ZBBX: variants seen among roughly 807,000 people sequenced by gnomAD.
ZBBX encodes zinc finger B-box domain-containing protein 1.
ZBBX carries 101 observed loss-of-function variants against 108.5 expected under a neutral mutation model. That is an observed-to-expected ratio of 0.93 (90% CI 0.79 to 1.10). The LOEUF (loss-of-function observed/expected upper bound fraction) is 1.10, where lower values mean the gene tolerates loss of function less well. ZBBX is among the 50% of genes least tolerant of loss of function. The probability of loss-of-function intolerance (pLI) is 0.00; values close to 1 mark genes in which losing one functional copy is unlikely to be tolerated. For synonymous variants in ZBBX, 356 were observed against 323.4 expected, an observed-to-expected ratio of 1.10 and a Z score of -1.08; for missense variants, 1,009 against 941.4, an observed-to-expected ratio of 1.07 and a Z score of -0.94.
intron 14 of ZBBX, among the ~76,000 whole-genome samples, chr3:167,316,592 C>T (rs773387001): frequency 5.9e-5 from 9 of 152,040 alleles, no homozygotes; most frequent in Non-Finnish European, 8.8e-5. Flanking sequence ...TACATTTAAA[C>T]GGAAAATAAT....
chr3:167,231,452 T>C, the ZBBX span, among the ~76,000 whole-genome samples: 1 of 151,750 alleles, frequency 6.6e-6, no homozygotes, highest in Admixed American at 6.6e-5. Flanking sequence ...CTGACTAAGA[T>C]GACCTCTGAG....
At chr3:167,402,282 T>C (rs987496596) in intron 1 of ZBBX, among the ~76,000 whole-genome samples, 4 of 152,138 alleles carry the variant, frequency 2.6e-5, no homozygotes, top group Admixed American at 1.3e-4. Context: ...TTCAAAGATA[T>C]TGCAAGGAAT....
At chr3:167,226,112 A>G in the ZBBX span, among the ~76,000 whole-genome samples, 1 of 151,704 alleles carries the variant, frequency 6.6e-6, no homozygotes, top group Admixed American at 6.6e-5. Context: ...AAAACCTCAG[A>G]GAAATCAAGC....
chr3:167,199,459 T>G, the ZBBX span, among the ~76,000 whole-genome samples: 1 of 152,158 alleles, frequency 6.6e-6, no homozygotes, highest in Non-Finnish European at 1.5e-5. Flanking sequence ...TCCATAGAAA[T>G]TAACATACAT....
chr3:167,386,787 G>T (rs1747935661), intron 1 of ZBBX, among the ~76,000 whole-genome samples: 1 of 151,982 alleles, frequency 6.6e-6, no homozygotes, highest in African/African-American at 2.4e-5. Context: ...GTCTTCTTGA[G>T]ATTTATGCAC....
chr3:167,394,357 G>T (rs992439379), intron 1 of ZBBX, among the ~76,000 whole-genome samples: 5 of 151,910 alleles, frequency 3.3e-5, no homozygotes, highest in African/African-American at 1.2e-4. Context: ...GTTGGAGATT[G>T]TTGGCTTAGG....
intron 12 of ZBBX, among the ~76,000 whole-genome samples, chr3:167,318,261 A>C (rs1448743931): frequency 6.6e-6 from 1 of 152,016 alleles, no homozygotes; most frequent in Non-Finnish European, 1.5e-5. Flanking sequence ...TTTCCATACC[A>C]TGCAAGTTCA....
chr3:167,365,242 A>G (rs1052272399), intron 6 of ZBBX, among the ~76,000 whole-genome samples: 6 of 151,952 alleles, frequency 3.9e-5, no homozygotes, highest in African/African-American at 1.4e-4. Context: ...ATAGGTACGT[A>G]AAAAATAAAA....
At chr3:167,337,819 G>T (rs1414822748) in intron 9 of ZBBX, among the ~76,000 whole-genome samples, 1 of 151,912 alleles carries the variant, frequency 6.6e-6, no homozygotes, top group East Asian at 1.9e-4. Flanking sequence ...GTTATTTTTA[G>T]AAAATATTTA....
the ZBBX span, among the ~76,000 whole-genome samples, chr3:167,185,704 C>T: frequency 6.6e-6 from 1 of 152,040 alleles, no homozygotes; most frequent in African/African-American, 2.4e-5. Flanking sequence ...CAGAATGTTA[C>T]ATTTTTTCAT....
chr3:167,224,683 T>C, the ZBBX span, among the ~76,000 whole-genome samples: 6 of 151,970 alleles, frequency 3.9e-5, no homozygotes, highest in Admixed American at 2.0e-4. Context: ...GTTTTAACTC[T>C]GGCAAAAGTA....
intron 6 of ZBBX, among the ~76,000 whole-genome samples, chr3:167,363,462 A>C (rs1395888771): frequency 6.6e-6 from 1 of 152,002 alleles, no homozygotes; most frequent in African/African-American, 2.4e-5. Context: ...AATCTCTAAA[A>C]TTTATTTTCA....
the ZBBX span, among the ~76,000 whole-genome samples, chr3:167,187,292 CA>C: frequency 6.6e-6 from 1 of 152,146 alleles, no homozygotes; most frequent in Non-Finnish European, 1.5e-5. Context: ...CAAGGAGTAG[CA>C]AAATCACAGA....
chr3:167,397,610 A>G (rs190251849), intron 1 of ZBBX, among the ~76,000 whole-genome samples: 79 of 152,006 alleles, frequency 5.2e-4, no homozygotes, highest in African/African-American at 1.9e-3. Flanking sequence ...GCTTCCAGGA[A>G]AACTATTGTT....
intron 11 of ZBBX, among the ~76,000 whole-genome samples, chr3:167,323,248 G>GGT (rs1553815596): frequency 6.9e-6 from 1 of 145,178 alleles, no homozygotes; most frequent in Non-Finnish European, 1.5e-5. Context: ...AGGGGGGGGG[G>GGT]GGAAAGAACT....
At chr3:167,395,383 A>G (rs942406563) in intron 1 of ZBBX, among the ~76,000 whole-genome samples, 1 of 152,026 alleles carries the variant, frequency 6.6e-6, no homozygotes, top group African/African-American at 2.4e-5. Flanking sequence ...TGAGGATGTG[A>G]ATGCTCTTTT....
chr3:167,335,351 C>A (rs1216941354), intron 9 of ZBBX, among the ~76,000 whole-genome samples: 1 of 152,120 alleles, frequency 6.6e-6, no homozygotes, highest in Non-Finnish European at 1.5e-5. Flanking sequence ...TGACAAAGAA[C>A]TGGCAAATTT....
At chr3:167,396,749 T>C (rs1748246870) in intron 1 of ZBBX, among the ~76,000 whole-genome samples, 2 of 151,996 alleles carry the variant, frequency 1.3e-5, no homozygotes, top group Non-Finnish European at 2.9e-5. Context: ...TGAACAAAGT[T>C]ACTTTAGAAA....
rs10936530 is a variant in ZBBX at position 167,333,938 on chromosome 3, A to G, written c.576T>C (p.Phe192=). 0.36 allele frequency: 577,671 copies of G among 1,607,198 alleles called. 107,253 individuals carry two copies. The highest frequency in any genetic ancestry group is 0.66 in the East Asian group (29,431 of 44,652). The stretch of plus-strand genomic sequence containing the variant: ...GTTCATCTGGATTAACATCCTTTAT[A>G]AACTGATGGGCAACATCCAATACAT... ...LFNVLDVAHQ[F]IKDVNPDEPK... Residue 192 remains phenylalanine, a synonymous_variant, in exon 10 of 22, where the codon TTT becomes TTC. Transcript: ENST00000675490.
Sources: gnomAD v4.1 joint callset for allele counts (sites outside exome capture counted in the v4.1 genomes callset) on GRCh38, gnomAD v4.1.1 for gene constraint, MANE v1.5 for transcripts, NCBI Gene and HGNC (gene_info 2026-07-23, HGNC 2026-07-21) for gene names.